Variants in TACR3 observed in about 807,000 individuals in gnomAD.
The protein encoded by TACR3 is neuromedin-K receptor.
In TACR3, 34 loss-of-function variants were observed where a neutral mutation model predicts 35.0. The observed-to-expected ratio is 0.97, with a 90% CI of 0.74 to 1.30. The LOEUF (loss-of-function observed/expected upper bound fraction) is 1.30. TACR3 is among the 50% of genes most tolerant of loss of function. The pLI, the probability that TACR3 is intolerant of heterozygous loss-of-function variation, is 0.00. For missense variants in TACR3, 558 were observed against 591.7 expected (o/e 0.94, Z 0.59); for synonymous variants, 233 against 221.1 (o/e 1.05, Z -0.48).
At chr4:103,597,618 C>T (rs184245491) in intron 3 of TACR3, among the ~76,000 whole-genome samples, 1 of 151,144 alleles carries the variant, frequency 6.6e-6, no homozygotes, top group East Asian at 2.0e-4. Flanking sequence ...CCCCACCCCA[C>T]AAGAGTCCCC....
chr4:103,627,352 T>TAAAAATACAAA (rs1271100817), intron 3 of TACR3, among the ~76,000 whole-genome samples: 2 of 82,474 alleles, frequency 2.4e-5, no homozygotes, highest in Non-Finnish European at 4.9e-5. Context: ...GTGTTTCCAT[T>TAAAAATACAAA]AAAAAAAAAA....
rs988038725 is a variant in TACR3, at chr4:103,643,804, G to T, written c.888+12390C>A. Among the ~76,000 whole-genome samples, 6 of 151,688 alleles carry T rather than the reference G, an allele frequency of 4.0e-5. 1 individual carries two copies. Among genetic ancestry groups the T allele is most frequent in the Non-Finnish European group, 8.8e-5 (6 of 67,814 alleles). On this transcript the variant is annotated intron_variant, in intron 3 of 4. Transcript: ENST00000304883. ...ATGGCAATTGTTATAGATTTCATAT[G>T]CTGAGCTTCATTTTCCTGCTAGAAA...
At chr4:103,713,110 C>T (rs1480868380) in intron 1 of TACR3, among the ~76,000 whole-genome samples, 1 of 152,094 alleles carries the variant, frequency 6.6e-6, no homozygotes, top group African/African-American at 2.4e-5. Context: ...TTTGACCCAG[C>T]CATCCCATTA....
intron 1 of TACR3, among the ~76,000 whole-genome samples, chr4:103,717,284 A>C (rs1013590634): frequency 2.6e-5 from 4 of 152,118 alleles, no homozygotes; most frequent in African/African-American, 9.7e-5. Context: ...AATAATTTTA[A>C]AAGAGATTTT....
chr4:103,709,506 G>C (rs1178514648), intron 1 of TACR3, among the ~76,000 whole-genome samples: 1 of 152,166 alleles, frequency 6.6e-6, no homozygotes, highest in Non-Finnish European at 1.5e-5. Context: ...CCTGAAGGAA[G>C]CACTAAAAAT....
chr4:103,684,399 T>C (rs1051233255), intron 1 of TACR3, among the ~76,000 whole-genome samples: 4 of 152,206 alleles, frequency 2.6e-5, no homozygotes, highest in Admixed American at 6.5e-5. Flanking sequence ...ACAAAATCAA[T>C]GGTATTTTTA....
At chr4:103,679,845 T>C (rs542073406) in intron 1 of TACR3, among the ~76,000 whole-genome samples, 1 of 151,988 alleles carries the variant, frequency 6.6e-6, no homozygotes, top group Non-Finnish European at 1.5e-5. Context: ...CAATTATCTC[T>C]AACAAAAGGT....
rs138042920 is a variant in TACR3 at position 103,588,440 on chromosome 4, C to A, written c.*1242G>T. On this transcript the variant is annotated 3_prime_UTR_variant, in exon 5 of 5. Transcript: ENST00000304883. The stretch of plus-strand genomic sequence containing the variant: ...GTATTTCTTGTTATGTTATGAGTCT[C>A]AGAAATGTGCTAGTATATATCTTCT... 16 of 152,192 alleles carry A rather than the reference C, an allele frequency of 1.1e-4. No individual in the cohort carries two copies. Among genetic ancestry groups the A allele is most frequent in the Non-Finnish European group, 1.5e-4 (10 of 67,994 alleles). 9.4% of individuals were successfully genotyped at this position (152,192 alleles called of 1,614,324 possible).
At chr4:103,603,047 G>T (rs1200118191) in intron 3 of TACR3, among the ~76,000 whole-genome samples, 1 of 152,234 alleles carries the variant, frequency 6.6e-6, no homozygotes, top group Non-Finnish European at 1.5e-5. Context: ...CCCAGTTCGA[G>T]CTTCCTGTCT....
At chr4:103,647,055 G>A (rs952780868) in intron 3 of TACR3, among the ~76,000 whole-genome samples, 21 of 151,722 alleles carry the variant, frequency 1.4e-4, no homozygotes, top group African/African-American at 5.1e-4. Context: ...GCAAGGCAAG[G>A]GATTCATGAA....
intron 4 of TACR3, among the ~76,000 whole-genome samples, chr4:103,590,297 A>C (rs1209588469): frequency 2.0e-5 from 3 of 152,220 alleles, no homozygotes; most frequent in African/African-American, 7.2e-5. Flanking sequence ...ATGTTAAAGA[A>C]ACAGTACATT....
intron 3 of TACR3, among the ~76,000 whole-genome samples, chr4:103,655,578 T>C (rs1400758922): frequency 6.6e-6 from 1 of 151,946 alleles, no homozygotes; most frequent in African/African-American, 2.4e-5. Context: ...ATTTTAGAGG[T>C]GTTTTTGTTT....
At chr4:103,627,130 C>T (rs566555003) in intron 3 of TACR3, among the ~76,000 whole-genome samples, 3 of 134,128 alleles carry the variant, frequency 2.2e-5, no homozygotes, top group South Asian at 2.4e-4. Flanking sequence ...TGCCGTGAGC[C>T]GAGATCATGC....
chr4:103,697,629 T>C (rs1254538716), intron 1 of TACR3, among the ~76,000 whole-genome samples: 1 of 152,004 alleles, frequency 6.6e-6, no homozygotes, highest in Non-Finnish European at 1.5e-5. Context: ...TTTCACCACG[T>C]TAGCCAGGAT....
At chr4:103,638,596 T>C (rs1224428935) in intron 3 of TACR3, among the ~76,000 whole-genome samples, 2 of 152,132 alleles carry the variant, frequency 1.3e-5, no homozygotes, top group Non-Finnish European at 1.5e-5. Flanking sequence ...AAATGGGATC[T>C]AATTAAACCA....
intron 3 of TACR3, among the ~76,000 whole-genome samples, chr4:103,652,767 A>G (rs1234401608): frequency 3.3e-5 from 5 of 151,956 alleles, no homozygotes; most frequent in Non-Finnish European, 7.4e-5. Context: ...ACTTTTTTTT[A>G]ATGTCTATGT....
intron 1 of TACR3, among the ~76,000 whole-genome samples, chr4:103,685,876 GT>G (rs1722216329): frequency 6.6e-6 from 1 of 152,152 alleles, no homozygotes; most frequent in South Asian, 2.1e-4. Flanking sequence ...CAGTGTGAAA[GT>G]TCTGCCCTGT....
chr4:103,605,928 G>C (rs1309528572), intron 3 of TACR3, among the ~76,000 whole-genome samples: 1 of 152,094 alleles, frequency 6.6e-6, no homozygotes, highest in African/African-American at 2.4e-5. Context: ...GTAATGCCTA[G>C]GTTTTCTTCT....
intron 3 of TACR3, among the ~76,000 whole-genome samples, chr4:103,592,187 C>T (rs190294639): frequency 3.0e-3 from 463 of 152,238 alleles, no homozygotes; most frequent in Non-Finnish European, 5.4e-3. Flanking sequence ...CTGCTCACTA[C>T]GTAACCTTAT....
Sources: allele counts gnomAD v4.1 joint callset (sites outside exome capture counted in the v4.1 genomes callset), GRCh38; gene constraint gnomAD v4.1.1; transcripts MANE v1.5; gene names NCBI Gene and HGNC (gene_info 2026-07-23, HGNC 2026-07-21).